Variants in SRSF7 observed in about 807,000 individuals in gnomAD.
SRSF7 encodes the protein serine/arginine-rich splicing factor 7.
In SRSF7, 15 loss-of-function variants were observed where a neutral mutation model predicts 42.2. The observed-to-expected ratio is 0.36, with a 90% confidence interval of 0.24 to 0.55. SRSF7 has a LOEUF of 0.55. Among genes scored for constraint, SRSF7 ranks in the 20% least tolerant of loss-of-function variants. The pLI is 0.88. For synonymous variants in SRSF7, 138 were observed against 107.9 expected (o/e 1.28, Z -1.73); for missense variants, 181 against 305.9 (o/e 0.59, Z 3.04).
chr2:38,746,570 C>CTG (rs1667448662), intron 6 of SRSF7, 124 bp downstream of exon 6: 2 of 1,395,560 alleles, frequency 1.4e-6, no homozygotes, highest in Admixed American at 2.1e-5. Context: ...AAATAAGGTA[C>CTG]TGTGTTCCCA....
chr2:38,749,131 C>A, intron 3 of SRSF7: 1 of 1,317,352 alleles, frequency 7.6e-7, no homozygotes, highest in Non-Finnish European at 1.0e-6. Context: ...CAATTGTAAG[C>A]CAAATTTACT....
chr2:38,749,306 G>C (rs1474198522), intron 3 of SRSF7: 3 of 1,497,062 alleles, frequency 2.0e-6, no homozygotes, highest in Non-Finnish European at 2.7e-6. Flanking sequence ...CATAAGGCTC[G>C]TGACATTCTG....
At chr2:38,749,784 C>A in intron 2 of SRSF7, 79 bp from the exon 3 acceptor site, 1 of 1,408,762 alleles carries the variant, frequency 7.1e-7, no homozygotes, top group East Asian at 2.6e-5. Context: ...CTCTTTCCAA[C>A]CACTCACTCT....
intron 5 of SRSF7, 32 bp from the exon 6 acceptor site, chr2:38,746,779 T>C (rs1304430368): frequency 3.7e-6 from 6 of 1,612,294 alleles, no homozygotes; most frequent in Middle Eastern, 1.6e-4. Context: ...CACAATTATA[T>C]CAATCAGTCC....
intron 5 of SRSF7, among the ~76,000 whole-genome samples, chr2:38,747,827 C>T (rs1303656448): frequency 1.3e-5 from 2 of 152,180 alleles, no homozygotes; most frequent in Non-Finnish European, 2.9e-5. Context: ...GCTTGGGACC[C>T]TTGTCTACCA....
intron 5 of SRSF7, chr2:38,747,199 G>A (rs565849535): frequency 2.5e-6 from 1 of 406,750 alleles, no homozygotes; most frequent in African/African-American, 2.1e-5. Context: ...CAGACGAAAA[G>A]AAAGCCGCCC....
intron 7 of SRSF7, among the ~76,000 whole-genome samples, chr2:38,745,864 G>A (rs1216582264): frequency 6.6e-6 from 1 of 151,984 alleles, no homozygotes; most frequent in Non-Finnish European, 1.5e-5. Flanking sequence ...GTACATGTGG[G>A]GAAAAGGCAT....
At chr2:38,745,835 T>A (rs1667306262) in intron 7 of SRSF7, among the ~76,000 whole-genome samples, 1 of 152,200 alleles carries the variant, frequency 6.6e-6, no homozygotes, top group African/African-American at 2.4e-5. Context: ...AAGACTTTTC[T>A]CCACACTTTG....
chr2:38,746,706 C>T lies in SRSF7; in HGVS notation c.614G>A (p.Arg205Gln). 1 of 1,613,648 alleles carries T rather than the reference C, an allele frequency of 6.2e-7. No individual in the cohort carries two copies. Among genetic ancestry groups the T allele is most frequent in the Admixed American group, 1.7e-5 (1 of 59,932 alleles). Residue 205 changes from arginine to glutamine, a missense_variant, in exon 6 of 8, where the codon CGA becomes CAA. Around this residue, in one of 2 missense-constraint regions of SRSF7, gnomAD observed 136 missense variants for 147.8 expected, o/e 0.92. Coordinates refer to ENST00000313117, the MANE Select transcript of SRSF7 (RefSeq NM_001031684.3). ...RSRSRSRSIS[R>Q]PRSSRSKSRS... The stretch of plus-strand genomic sequence containing the variant: ...ATTTTTACCCTACCTGCTTCTTGGT[C>T]GTGAAATAGACCTGGATCTTGATCT...
At chr2:38,749,036 G>A in intron 3 of SRSF7, 3 of 1,305,044 alleles carry the variant, frequency 2.3e-6, no homozygotes, top group African/African-American at 1.5e-5. Context: ...AATGAGCCAG[G>A]TGAGGCTTGA....
chr2:38,751,472 A>ACG, upstream of SRSF7: 1 of 612,976 alleles, frequency 1.6e-6, no homozygotes, highest in Non-Finnish European at 2.9e-6. Context: ...CCAAGAAACG[A>ACG]CGCGGAAGGA....
chr2:38,750,217 G>C (rs981691988), intron 1 of SRSF7, 23 bp from the exon 2 acceptor site: 1 of 1,576,480 alleles, frequency 6.3e-7, no homozygotes, highest in Non-Finnish European at 8.6e-7. Flanking sequence ...GCAAATAGAA[G>C]AATGCACGTT....
chr2:38,750,805 AAC>A (rs1668215604), intron 1 of SRSF7: 1 of 205,552 alleles, frequency 4.9e-6, no homozygotes, highest in African/African-American at 2.3e-5. Context: ...TTCTATCTCA[AAC>A]ACAACCACGA....
intron 5 of SRSF7, among the ~76,000 whole-genome samples, chr2:38,747,530 G>C (rs1039195712): frequency 8.6e-5 from 13 of 151,736 alleles, no homozygotes; most frequent in Non-Finnish European, 1.6e-4. Context: ...AAATAGTAAA[G>C]CTCTGGTTCT....
Position 38,744,888 on chromosome 2 carries a change from A to T in SRSF7, c.*245T>A. On this transcript the variant is annotated 3_prime_UTR_variant, in exon 8 of 8. Coordinates refer to ENST00000313117, the MANE Select transcript of SRSF7 (RefSeq NM_001031684.3). ...GAAGTGTTAATATTGAACACAAATC[A>T]AAAATCTAGTTAGAAACATTTTATT... 1 of 451,384 alleles carries T rather than the reference A, an allele frequency of 2.2e-6. No homozygotes were observed. The highest frequency in any genetic ancestry group is 4.1e-5 in the South Asian group (1 of 24,420). The allele number at this position is 451,384 out of a possible 1,614,324, so 28.0% of individuals were successfully genotyped here.
chr2:38,751,277 G>T lies in SRSF7; in HGVS notation c.-21C>A. On this transcript the variant is annotated 5_prime_UTR_variant, in exon 1 of 8. Transcript: ENST00000313117. ...GACATGATGACAGACCCGCGTGCTC[G>T]GCTCTTTAGCAAGCAGCGCCCAGGG... 1 of 1,613,990 alleles carries T rather than the reference G, an allele frequency of 6.2e-7. No homozygotes were observed. The highest frequency in any genetic ancestry group is 2.2e-5 in the East Asian group (1 of 44,880).
At chr2:38,750,483 C>G (rs905972817) in intron 1 of SRSF7, among the ~76,000 whole-genome samples, 11 of 151,712 alleles carry the variant, frequency 7.3e-5, no homozygotes, top group African/African-American at 2.7e-4. Flanking sequence ...CTGGCCCGGC[C>G]CCACCCATGA....
intron 1 of SRSF7, chr2:38,750,995 G>C (rs573261451): frequency 5.7e-6 from 3 of 528,610 alleles, no homozygotes; most frequent in Non-Finnish European, 1.0e-5. Flanking sequence ...CCCTGCTTTA[G>C]GCTGGATTGG....
Position 38,746,123 on chromosome 2 carries a change from G to A in SRSF7, c.662+21C>T, listed in dbSNP as rs138473338. The A allele has an allele frequency of 1.1e-5, 18 of 1,613,986 alleles. No individual in the cohort carries two copies. The African/African-American group carries it at 2.1e-4, about 19-fold the overall frequency. On this transcript the variant is annotated intron_variant, in intron 7 of 7. Coordinates refer to ENST00000313117, the MANE Select transcript of SRSF7 (RefSeq NM_001031684.3). Reference sequence around the variant, plus strand: ...GGCCACACTTGACAGGCAAGATTTGGCAACAAAACATTTAGCTTACCTTCT... The same window carrying A: ...GGCCACACTTGACAGGCAAGATTTGACAACAAAACATTTAGCTTACCTTCT...
Sources: gnomAD v4.1 joint callset for allele counts (sites outside exome capture counted in the v4.1 genomes callset) on GRCh38, gnomAD v4.1.1 for gene constraint, gnomAD v4.1.1 regional missense constraint, MANE v1.5 for transcripts, NCBI Gene and HGNC (gene_info 2026-07-23, HGNC 2026-07-21) for gene names.